ACAN: variants seen among roughly 807,000 people sequenced by gnomAD.
The protein encoded by ACAN is aggrecan.
Under a neutral mutation model 169.1 loss-of-function variants are expected in ACAN, and 47 were observed. The ratio of observed to expected loss-of-function variants is 0.28; its 90% CI spans 0.22 to 0.35. ACAN has a LOEUF of 0.35. ACAN is among the 10% of genes least tolerant of loss of function. The pLI, the probability that ACAN is intolerant of heterozygous loss-of-function variation, is 1.00. For missense variants in ACAN, 2,716 were observed against 2,759.9 expected (o/e 0.98, Z 0.36); for synonymous variants, 1,115 against 1,112.2 (o/e 1.00, Z -0.05).
rs545436361 is a variant in ACAN at position 88,866,576 on chromosome 15, C to T, written c.6947-1640C>T. Among the ~76,000 whole-genome samples the T allele has an allele frequency of 2.4e-4, 36 of 152,056 alleles. No homozygotes were observed. Among genetic ancestry groups the T allele is most frequent in the African/African-American group, 8.4e-4 (35 of 41,464 alleles). On this transcript the variant is annotated intron_variant, in intron 13 of 18. Coordinates refer to ENST00000560601, the MANE Select transcript of ACAN (RefSeq NM_001369268.1). This position sits in a 1 kb window ranked among gnomAD's most constrained non-coding sequence, Gnocchi z 5.6. ...TGTTGGTTCTAGTCTATGGTGTGCCCCCCCGAGATGAAGTTAAAGACTTCA... is the reference window on the plus strand; with the variant it reads ...TGTTGGTTCTAGTCTATGGTGTGCCTCCCCGAGATGAAGTTAAAGACTTCA...
In ACAN at chr15:88,871,448, G is replaced by A. The variant is rs760305263; in HGVS notation, c.7127G>A (p.Arg2376His). ...QGHCYRHFPD[R>H]ETWVDAERRC... ...CACTGTTACCGCCACTTCCCGGACC[G>A]CGAGACCTGGGTGGATGCTGAGCGC... The change falls in exon 15 of 19, where the codon CGC becomes CAC. Residue 2376 changes from arginine (R) to histidine (H), a missense_variant. Physicochemically the swap from Arg to His is conservative, Grantham distance 29. Around this residue, in one of 3 missense-constraint regions of ACAN, gnomAD observed 1,389 missense variants for 1,363.7 expected, o/e 1.02. Transcript: ENST00000560601. The surrounding 1 kb of genome is among the most constrained non-coding windows in gnomAD (Gnocchi z 7.8). The A allele has an allele frequency of 1.4e-5, 23 of 1,613,832 alleles. No individual in the cohort carries two copies. The highest frequency in any genetic ancestry group is 8.3e-5 in the Admixed American group (5 of 60,000).
chr15:88,857,323 GC>G lies in ACAN; in HGVS notation c.4739del (p.Ala1580ValfsTer35). ...PSGREGLETS[A>X]SGAEDLSGLP... is the part of the protein sequence containing the mutation. Reference sequence around the variant, plus strand: ...TGGAAGGGAGGGTCTAGAGACTTCAGCTTCTGGAGCTGAGGACCTCAGTGGG... The same window carrying G: ...TGGAAGGGAGGGTCTAGAGACTTCAGTTCTGGAGCTGAGGACCTCAGTGGG... On this transcript the variant is annotated frameshift_variant, in exon 12 of 19. Coordinates refer to ENST00000560601, the MANE Select transcript of ACAN (RefSeq NM_001369268.1). LOFTEE classifies it high-confidence loss of function. 6.2e-7 allele frequency: 1 copy of G among 1,613,976 alleles called. No homozygotes were observed. The highest frequency in any genetic ancestry group is 8.5e-7 in the Non-Finnish European group (1 of 1,179,910).
At position 88,847,981 on chromosome 15, in the gene ACAN, G is replaced by T. The variant is rs373952066; in HGVS notation, c.1675G>T (p.Gly559Cys). ...KDSSPGVRTY[G>C]VRPSTETYDV... ...CAGCAGCCCAGGGGTCAGGACCTAT[G>T]GCGTGCGCCCATCAACAGAGACCTA... is the stretch of plus-strand genomic sequence containing the variant. Residue 559 changes from glycine (G) to cysteine (C), a missense_variant, in exon 9 of 19, where the codon GGC becomes TGC. Physicochemically the swap from Gly to Cys is radical, Grantham distance 159. Transcript: ENST00000560601. 7 of 1,613,890 alleles carry T rather than the reference G, an allele frequency of 4.3e-6. No individual in the cohort carries two copies. In the African/African-American group the frequency reaches 9.3e-5, roughly 22 times the overall value.
At chr15:88,826,959 T>C (rs1896239323) in intron 1 of ACAN, among the ~76,000 whole-genome samples, 1 of 152,202 alleles carries the variant, frequency 6.6e-6, no homozygotes, top group South Asian at 2.1e-4. Context: ...TCACTATCTG[T>C]GTGACTTTGG....
chr15:88,841,710 T>C (rs1896665349), intron 4 of ACAN, 30 bp from the exon 5 acceptor site: 2 of 1,613,168 alleles, frequency 1.2e-6, no homozygotes, highest in Non-Finnish European at 1.7e-6. Flanking sequence ...GTCCCCTGAG[T>C]GTCACACCTC....
At chr15:88,811,669 C>T (rs1327434086) in intron 1 of ACAN, among the ~76,000 whole-genome samples, 1 of 152,158 alleles carries the variant, frequency 6.6e-6, no homozygotes, top group African/African-American at 2.4e-5. Context: ...TGGCCACCTG[C>T]CTCCCCTATG....
intron 9 of ACAN, among the ~76,000 whole-genome samples, chr15:88,848,816 TG>T (rs941377724): frequency 2.0e-5 from 3 of 152,184 alleles, no homozygotes; most frequent in Non-Finnish European, 4.4e-5. Flanking sequence ...ATCTATAAAA[TG>T]GGGCTGATTT....
chr15:88,857,949 A>C lies in ACAN; in HGVS notation c.5364A>C (p.Glu1788Asp). The change falls in exon 12 of 19, where the codon GAA becomes GAC. Residue 1788 changes from glutamate (E) to aspartate (D), a missense_variant. This residue lies in a region of ACAN where 1,389 missense variants were observed against 1,363.7 expected (regional missense o/e 1.02). Coordinates refer to ENST00000560601, the MANE Select transcript of ACAN (RefSeq NM_001369268.1). ...TTGGCATAACTGATCTGAGTGGAGAAACATCTGGGGTCCCTGATCTCAGTG... is the reference window on the plus strand; with the variant it reads ...TTGGCATAACTGATCTGAGTGGAGACACATCTGGGGTCCCTGATCTCAGTG... ...QPFGITDLSG[E>D]TSGVPDLSGQ... The C allele has an allele frequency of 6.2e-7, 1 of 1,613,790 alleles. No homozygotes were observed.
chr15:88,834,397 G>A (rs1896446639), intron 1 of ACAN, among the ~76,000 whole-genome samples: 2 of 152,180 alleles, frequency 1.3e-5, no homozygotes, highest in African/African-American at 4.8e-5. Context: ...ATTCCTGGAT[G>A]GGAACACCAG....
chr15:88,840,044 C>A lies in ACAN; in HGVS notation c.487C>A (p.Arg163Ser), dbSNP rs1176629215. 1 of 1,602,470 alleles carries A rather than the reference C, an allele frequency of 6.2e-7. No individual in the cohort carries two copies. Among genetic ancestry groups the A allele is most frequent in the Non-Finnish European group, 8.5e-7 (1 of 1,174,186 alleles). The part of the protein sequence containing the change: ...IVFHYRAIST[R>S]YTLDFDRAQR... ...GTTCCATTACAGAGCCATCTCTACA[C>A]GCTACACCCTCGACTTTGACAGGGC... Residue 163 changes from arginine to serine, a missense_variant, in exon 4 of 19, where the codon CGC becomes AGC. Arg to Ser is a moderately radical substitution (Grantham distance 110, BLOSUM62 -1). Coordinates refer to ENST00000560601, the MANE Select transcript of ACAN (RefSeq NM_001369268.1).
At chr15:88,853,786 G>A (rs1025410294) in intron 11 of ACAN, among the ~76,000 whole-genome samples, 4 of 138,036 alleles carry the variant, frequency 2.9e-5, no homozygotes, top group East Asian at 4.1e-4. Context: ...ACATACATAC[G>A]TACATACATA....
Position 88,849,937 on chromosome 15 carries a change from T to A in ACAN, c.2026+206T>A. ...CCTTCTAAAGTTCCCCAGAGACAAG[T>A]AGAGATAAATAAGAACTTGAGCTGG... On this transcript the variant is annotated intron_variant, in intron 10 of 18. Coordinates refer to ENST00000560601, the MANE Select transcript of ACAN (RefSeq NM_001369268.1). This position sits in a 1 kb window ranked among gnomAD's most constrained non-coding sequence, Gnocchi z 5.1. The A allele has an allele frequency of 1.4e-6, 1 of 722,610 alleles. No individual in the cohort carries two copies. The highest frequency in any genetic ancestry group is 2.4e-6 in the Non-Finnish European group (1 of 414,292). 44.8% of individuals were successfully genotyped at this position (722,610 alleles called of 1,614,324 possible).
chr15:88,846,972 T>C (rs1427602840), intron 7 of ACAN, among the ~76,000 whole-genome samples: 1 of 152,238 alleles, frequency 6.6e-6, no homozygotes, highest in Non-Finnish European at 1.5e-5. Context: ...TAGAGCCCAG[T>C]GCTTCCCAAA....
At chr15:88,822,185 C>A (rs1001013857) in intron 1 of ACAN, among the ~76,000 whole-genome samples, 1 of 152,238 alleles carries the variant, frequency 6.6e-6, no homozygotes, top group Non-Finnish European at 1.5e-5. Flanking sequence ...CCGTACATCA[C>A]ACCATTAGCC....
Position 88,858,868 on chromosome 15 carries a change from T to C in ACAN, c.6283T>C (p.Ser2095Pro). ...CCCTGGGTCTGGAGTAGAAGTATCA[T>C]CAGTCCCAGAATCTAGCAGTGAGAC... Reference protein sequence around the residue: ...VLPGSGVEVSSVPESSSETSA... With the variant: ...VLPGSGVEVSPVPESSSETSA... Residue 2095 changes from serine to proline, a missense_variant, in exon 12 of 19, where the codon TCA becomes CCA. This residue lies in a region of ACAN where 1,389 missense variants were observed against 1,363.7 expected (regional missense o/e 1.02). Coordinates refer to ENST00000560601, the MANE Select transcript of ACAN (RefSeq NM_001369268.1). This position sits in a 1 kb window ranked among gnomAD's most constrained non-coding sequence, Gnocchi z 4.0. The C allele has an allele frequency of 6.2e-7, 1 of 1,612,164 alleles. No individual in the cohort carries two copies. The highest frequency in any genetic ancestry group is 8.5e-7 in the Non-Finnish European group (1 of 1,178,746).
rs139286980 is a variant in ACAN, at chr15:88,853,600, C to T, written c.2267-1252C>T. On this transcript the variant is annotated intron_variant, in intron 11 of 18. Coordinates refer to ENST00000560601, the MANE Select transcript of ACAN (RefSeq NM_001369268.1). ...TTGCAGTCAGCCAAGATGGTGCCACCGCACTGCAGCCTGGGCAACAGAGCA... is the reference window on the plus strand; with the variant it reads ...TTGCAGTCAGCCAAGATGGTGCCACTGCACTGCAGCCTGGGCAACAGAGCA... 1.7e-3 allele frequency among the ~76,000 whole-genome samples: 259 copies of T among 151,950 alleles called. 1 individual carries two copies. The highest frequency in any genetic ancestry group is 5.7e-3 in the African/African-American group (237 of 41,436).
intron 8 of ACAN, 127 bp downstream of exon 8, chr15:88,847,544 C>G (rs552514725): frequency 6.0e-4 from 692 of 1,159,126 alleles, no homozygotes; most frequent in Non-Finnish European, 7.7e-4. Flanking sequence ...GAATTAGTGA[C>G]TCAACTGAGG....
In ACAN at chr15:88,871,227, C is replaced by T. The variant is rs186741282; in HGVS notation, c.7061-155C>T. Among the ~76,000 whole-genome samples, 6 of 152,294 alleles carry T rather than the reference C, an allele frequency of 3.9e-5. No individual in the cohort carries two copies. The East Asian group carries it at 1.2e-3, about 29-fold the overall frequency. On this transcript the variant is annotated intron_variant, in intron 14 of 18. Coordinates refer to ENST00000560601, the MANE Select transcript of ACAN (RefSeq NM_001369268.1). The surrounding 1 kb of genome is among the most constrained non-coding windows in gnomAD (Gnocchi z 7.8). ...AGGCTCCCAGGGACCAGACCAGTTT[C>T]CAACCTGAACTCCTCCAGCTGTGCC... is the stretch of plus-strand genomic sequence containing the variant.
At chr15:88,833,204 C>T (rs1015372323) in intron 1 of ACAN, among the ~76,000 whole-genome samples, 7 of 152,212 alleles carry the variant, frequency 4.6e-5, no homozygotes, top group Non-Finnish European at 7.3e-5. Flanking sequence ...AACCTGGACA[C>T]ATGCACGCAT....
Sources: gnomAD v4.1 joint callset for allele counts (sites outside exome capture counted in the v4.1 genomes callset) on GRCh38, gnomAD v4.1.1 for gene constraint, gnomAD v4.1.1 regional missense constraint, Gnocchi (gnomAD v3.1) non-coding constraint, MANE v1.5 for transcripts, NCBI Gene and HGNC (gene_info 2026-07-23, HGNC 2026-07-21) for gene names.